The following FSTL4 variants were observed in gnomAD, a reference collection of about 807,000 sequenced individuals.
FSTL4 encodes the protein follistatin like 4, also known as follistatin-related protein 4.
A neutral mutation model predicts 78.2 loss-of-function variants in FSTL4; 28 were observed. That is an observed-to-expected ratio of 0.36 (90% CI 0.27 to 0.49). The LOEUF is 0.49. Ranked by LOEUF, FSTL4 falls within the 20% of genes least tolerant of loss-of-function variation. The pLI, the probability that FSTL4 is intolerant of heterozygous loss-of-function variation, is 0.98. For missense variants in FSTL4, 922 were observed against 1,084.9 expected, an observed-to-expected ratio of 0.85 and a Z score of 2.11; for synonymous variants, 422 against 440.5, an observed-to-expected ratio of 0.96 and a Z score of 0.53.
intron 5 of FSTL4, 94 bp downstream of exon 5, chr5:133,316,365 A>G: frequency 1.1e-6 from 1 of 916,896 alleles, no homozygotes; most frequent in Non-Finnish European, 1.7e-6. Context: ...TCTCAGAGGT[A>G]TTGAACACAT....
the FSTL4 span, among the ~76,000 whole-genome samples, chr5:133,659,823 A>C: frequency 1.3e-5 from 2 of 152,234 alleles, no homozygotes; most frequent in African/African-American, 4.8e-5. Context: ...CAATTTCTTA[A>C]GCTATCAATA....
the FSTL4 span, among the ~76,000 whole-genome samples, chr5:133,629,147 T>C: frequency 1.3e-5 from 2 of 151,164 alleles, no homozygotes; most frequent in African/African-American, 4.9e-5. Context: ...ATACGTTGCA[T>C]CAATACCCAG....
intron 4 of FSTL4, among the ~76,000 whole-genome samples, chr5:133,356,759 C>A (rs1754952829): frequency 6.6e-6 from 1 of 152,242 alleles, no homozygotes; most frequent in Non-Finnish European, 1.5e-5. Context: ...TCCTGGCCTG[C>A]CTCGCAGGGA....
chr5:133,776,942 T>TAGGCATAGAA, the FSTL4 span, among the ~76,000 whole-genome samples: 3 of 152,194 alleles, frequency 2.0e-5, no homozygotes, highest in South Asian at 6.2e-4. Flanking sequence ...GCCTACCCCT[T>TAGGCATAGAA]TGTGCCTAAA....
At chr5:133,323,509 C>T (rs1300785686) in intron 4 of FSTL4, among the ~76,000 whole-genome samples, 2 of 152,228 alleles carry the variant, frequency 1.3e-5, no homozygotes. Context: ...ATGTCCTGAT[C>T]CTCTCCCTCC....
chr5:133,342,219 C>T (rs1754599008), intron 4 of FSTL4, among the ~76,000 whole-genome samples: 1 of 152,090 alleles, frequency 6.6e-6, no homozygotes, highest in South Asian at 2.1e-4. Context: ...GAAACAGGCG[C>T]TGGACCCCCA....
At chr5:133,336,498 T>A (rs1754468330) in intron 4 of FSTL4, among the ~76,000 whole-genome samples, 1 of 152,170 alleles carries the variant, frequency 6.6e-6, no homozygotes, top group African/African-American at 2.4e-5. Flanking sequence ...GCAGTCAGCG[T>A]TGAGTGCTGA....
intron 4 of FSTL4, among the ~76,000 whole-genome samples, chr5:133,335,453 G>A (rs1168997632): frequency 2.0e-5 from 3 of 152,028 alleles, no homozygotes; most frequent in Admixed American, 2.0e-4. Flanking sequence ...TGCCCAGGAG[G>A]AATCAAGATG....
rs755270499 is a variant in FSTL4, at chr5:133,199,129, C to A, written c.2495G>T (p.Gly832Val). 3 of 1,568,128 alleles carry A rather than the reference C, an allele frequency of 1.9e-6. No homozygotes were observed. The highest frequency in any genetic ancestry group is 2.3e-5 in the East Asian group (1 of 44,376). ...TLRCEVSGIK[G>V]GTTVVWVGEV is the part of the protein sequence containing the mutation. ...ACCCACCCACACCACTGTGGTCCCCCCCTTTATACCTGACACCTCACACCG... is the reference window on the plus strand; with the variant it reads ...ACCCACCCACACCACTGTGGTCCCCACCTTTATACCTGACACCTCACACCG... Residue 832 changes from glycine to valine, a missense_variant, in exon 16 of 16, where the codon GGG becomes GTG. Physicochemically the swap from Gly to Val is moderately radical, Grantham distance 109. Coordinates refer to ENST00000265342, the MANE Select transcript of FSTL4 (RefSeq NM_015082.2). This position sits in a 1 kb window ranked among gnomAD's most constrained non-coding sequence, Gnocchi z 4.4.
chr5:133,323,055 G>T (rs1191765198), intron 4 of FSTL4, among the ~76,000 whole-genome samples: 1 of 152,206 alleles, frequency 6.6e-6, no homozygotes, highest in Non-Finnish European at 1.5e-5. Flanking sequence ...TGGAGCCAGG[G>T]TGATGGGCTC....
the FSTL4 span, among the ~76,000 whole-genome samples, chr5:133,630,624 A>G: frequency 3.9e-5 from 6 of 152,210 alleles, no homozygotes; most frequent in African/African-American, 9.7e-5. Context: ...GACTTTCTTT[A>G]CAGAATTAGA....
chr5:133,640,303 T>C, the FSTL4 span, among the ~76,000 whole-genome samples: 1 of 152,228 alleles, frequency 6.6e-6, no homozygotes, highest in East Asian at 1.9e-4. Flanking sequence ...CCATCTTAGA[T>C]GCCTTGGAAG....
At chr5:133,610,444 C>CT (rs367810832) in intron 1 of FSTL4, among the ~76,000 whole-genome samples, 227 of 152,280 alleles carry the variant, frequency 1.5e-3, no homozygotes, top group African/African-American at 5.4e-3. Context: ...AGGGTGGTGC[C>CT]TTTTTTTCCT....
chr5:133,469,422 T>C (rs1757774889), intron 3 of FSTL4, among the ~76,000 whole-genome samples: 1 of 152,200 alleles, frequency 6.6e-6, no homozygotes, highest in African/African-American at 2.4e-5. Flanking sequence ...GAATGACAGA[T>C]GACCCAGTTT....
intron 2 of FSTL4, among the ~76,000 whole-genome samples, chr5:133,574,002 A>G (rs1402278651): frequency 6.6e-6 from 1 of 152,234 alleles, no homozygotes; most frequent in East Asian, 1.9e-4. Context: ...AATTTCTTAA[A>G]GAGGATGTGA....
the FSTL4 span, among the ~76,000 whole-genome samples, chr5:133,751,179 G>GC: frequency 2.6e-5 from 4 of 152,022 alleles, no homozygotes; most frequent in Admixed American, 6.6e-5. Context: ...TGTCCCAAAG[G>GC]CCCCCAAGCA....
At chr5:133,346,023 G>T (rs1335171331) in intron 4 of FSTL4, among the ~76,000 whole-genome samples, 2 of 152,150 alleles carry the variant, frequency 1.3e-5, no homozygotes, top group African/African-American at 4.8e-5. Context: ...CTGGATAAAG[G>T]AAATGTGGCA....
chr5:133,225,621 G>A lies in FSTL4; in HGVS notation c.1177+37C>T, dbSNP rs374242927. ...TGGAGTCTCAGCTTGATTTGAATGG[G>A]AATATCGCATAGACGTCTACCAAGG... is the stretch of plus-strand genomic sequence containing the variant. On this transcript the variant is annotated intron_variant, in intron 9 of 15. Transcript: ENST00000265342. The surrounding 1 kb of genome is among the most constrained non-coding windows in gnomAD (Gnocchi z 4.6). The A allele has an allele frequency of 1.3e-6, 2 of 1,497,126 alleles. No homozygotes were observed. The highest frequency in any genetic ancestry group is 1.4e-5 in the African/African-American group (1 of 71,322). The allele number at this position is 1,497,126 out of a possible 1,614,324, so 92.7% of individuals were successfully genotyped here.
chr5:133,294,865 A>T (rs576437188), intron 6 of FSTL4, among the ~76,000 whole-genome samples: 5 of 151,946 alleles, frequency 3.3e-5, no homozygotes. Context: ...AATTTAAATC[A>T]CTGGAATGAT....
Sources: allele counts gnomAD v4.1 joint callset (sites outside exome capture counted in the v4.1 genomes callset), GRCh38; gene constraint gnomAD v4.1.1; non-coding constraint Gnocchi (gnomAD v3.1); transcripts MANE v1.5; gene names NCBI Gene and HGNC (gene_info 2026-07-23, HGNC 2026-07-21).